Variants in DIO1 observed in about 807,000 individuals in gnomAD.
DIO1 encodes the protein iodothyronine deiodinase 1.
Under a neutral mutation model 25.9 loss-of-function variants are expected in DIO1, and 17 were observed. The ratio of observed to expected loss-of-function variants is 0.66; its 90% CI spans 0.45 to 0.98. The LOEUF (loss-of-function observed/expected upper bound fraction) is 0.98, where lower values mean the gene tolerates loss of function less well. Ranked by LOEUF, DIO1 falls within the 50% of genes least tolerant of loss-of-function variation. The probability of loss-of-function intolerance (pLI) is 0.00; values close to 1 mark genes in which losing one functional copy is unlikely to be tolerated. For missense variants in DIO1, 270 were observed against 310.4 expected (o/e 0.87, Z 0.98); for synonymous variants, 115 against 114.0 (o/e 1.01, Z -0.05).
intron 1 of DIO1, 24 bp from the exon 2 acceptor site, chr1:53,904,638 CAGTT>C (rs779517591): frequency 5.0e-6 from 8 of 1,607,050 alleles, no homozygotes; most frequent in African/African-American, 2.7e-5. Flanking sequence ...TGTAGGGTCT[CAGTT>C]TGTGATGGTT....
chr1:53,894,247 C>T lies in DIO1; in HGVS notation c.37C>T (p.Leu13Phe), dbSNP rs746424797. ...LPQPGLWLKR[L>F]WVLLEVAVHV... ...CCAGCCAGGGCTGTGGCTGAAGAGGCTCTGGGTGCTCTTGGAGGTGGCTGT... is the reference window on the plus strand; with the variant it reads ...CCAGCCAGGGCTGTGGCTGAAGAGGTTCTGGGTGCTCTTGGAGGTGGCTGT... Residue 13 changes from leucine to phenylalanine, a missense_variant, in exon 1 of 4, where the codon CTC (leucine) becomes TTC (phenylalanine). Leu to Phe is a conservative substitution (Grantham distance 22). Coordinates refer to ENST00000361921, the MANE Select transcript of DIO1 (RefSeq NM_000792.7). This position sits in a 1 kb window ranked among gnomAD's most constrained non-coding sequence, Gnocchi z 4.9. The T allele has an allele frequency of 1.9e-5, 31 of 1,614,164 alleles. No individual in the cohort carries two copies. In the Middle Eastern group the frequency reaches 4.9e-4, roughly 26 times the overall value.
intron 1 of DIO1, among the ~76,000 whole-genome samples, chr1:53,901,011 T>TTTTC: frequency 1.4e-5 from 2 of 139,022 alleles, no homozygotes; most frequent in African/African-American, 2.9e-5. Context: ...TTTTTTTTTT[T>TTTTC]CAGAGATAAG....
At chr1:53,905,249 A>C (rs376154722) in intron 2 of DIO1, among the ~76,000 whole-genome samples, 16 of 144,202 alleles carry the variant, frequency 1.1e-4, no homozygotes, top group East Asian at 1.0e-3. Flanking sequence ...CACATGGCTC[A>C]CTGCAGCCTC....
chr1:53,900,322 G>A (rs1280978782), intron 1 of DIO1, among the ~76,000 whole-genome samples: 1 of 152,176 alleles, frequency 6.6e-6, no homozygotes, highest in Non-Finnish European at 1.5e-5. Context: ...AAAAAATTCT[G>A]GCCAGGCGCA....
chr1:53,903,160 A>G (rs1031273164), intron 1 of DIO1: 4 of 151,920 alleles, frequency 2.6e-5, no homozygotes, highest in African/African-American at 9.7e-5. Flanking sequence ...CACGTCCCCC[A>G]GTGTTGCATG....
intron 3 of DIO1, among the ~76,000 whole-genome samples, chr1:53,909,049 G>A (rs1270654189): frequency 6.6e-6 from 1 of 151,046 alleles, no homozygotes; most frequent in Non-Finnish European, 1.5e-5. Context: ...AGCAAAGATT[G>A]TGCCAGTGCA....
chr1:53,910,139 C>G lies in DIO1; in HGVS notation c.*140C>G, dbSNP rs954065733. ...CTCAGATTTTTCTGATCTAAGCAAA[C>G]AACTCCCAGCTGAGGAATGCAGGCC... On this transcript the variant is annotated 3_prime_UTR_variant, in exon 4 of 4. Transcript: ENST00000361921. The G allele has an allele frequency of 8.6e-6, 6 of 701,548 alleles. No individual in the cohort carries two copies. Among genetic ancestry groups the G allele is most frequent in the Middle Eastern group, 3.7e-4 (1 of 2,722 alleles). The allele number at this position is 701,548 out of a possible 1,614,324, so 43.5% of individuals were successfully genotyped here. A position where few individuals can be genotyped will look rare whatever the true frequency, so the allele number is the denominator to read the frequency against.
chr1:53,908,126 G>T (rs1187418267), intron 3 of DIO1, among the ~76,000 whole-genome samples: 1 of 151,928 alleles, frequency 6.6e-6, no homozygotes, highest in African/African-American at 2.4e-5. Flanking sequence ...GGAGGCTGGG[G>T]CAGGAGAATT....
chr1:53,901,998 C>A (rs1045294887), intron 1 of DIO1, among the ~76,000 whole-genome samples: 8 of 152,018 alleles, frequency 5.3e-5, no homozygotes, highest in Non-Finnish European at 8.8e-5. Flanking sequence ...AATCCAGATT[C>A]TTTACAAAGG....
intron 1 of DIO1, among the ~76,000 whole-genome samples, chr1:53,898,237 G>A (rs572203024): frequency 1.3e-5 from 2 of 152,248 alleles, no homozygotes; most frequent in South Asian, 4.1e-4. Context: ...AGGAGGAGCA[G>A]CAGAGGTCTG....
At chr1:53,904,124 C>A (rs1162089924) in intron 1 of DIO1, among the ~76,000 whole-genome samples, 1 of 152,158 alleles carries the variant, frequency 6.6e-6, no homozygotes, top group Non-Finnish European at 1.5e-5. Context: ...TTTATTTAAT[C>A]CTCCTAACAG....
rs545149799 is a variant in DIO1, at chr1:53,894,429, C to T, written c.219C>T (p.Phe73=). 53 of 1,614,218 alleles carry T rather than the reference C, an allele frequency of 3.3e-5. No individual in the cohort carries two copies. Among genetic ancestry groups the T allele is most frequent in the African/African-American group, 4.0e-5 (3 of 75,056 alleles). ...TTTTCAGCACCCAGTATTTCTGGTT[C>T]GTCTTGAAGGTCCGTTGGCAGCGAC... ...PTFFSTQYFW[F]VLKVRWQRLE... The change falls in exon 1 of 4, where the codon TTC becomes TTT. Residue 73 remains phenylalanine, a synonymous_variant. Transcript: ENST00000361921. This position sits in a 1 kb window ranked among gnomAD's most constrained non-coding sequence, Gnocchi z 4.9.
intron 1 of DIO1, 48 bp from the exon 2 acceptor site, chr1:53,904,618 G>T (rs1472174106): frequency 1.3e-6 from 2 of 1,590,356 alleles, no homozygotes; most frequent in Non-Finnish European, 1.7e-6. Flanking sequence ...GCTTGTAAAA[G>T]AAAGCTGTGT....
chr1:53,907,842 C>A (rs1415674041), intron 3 of DIO1, among the ~76,000 whole-genome samples: 3 of 142,292 alleles, frequency 2.1e-5, no homozygotes, highest in Non-Finnish European at 3.0e-5. Context: ...ACCCGGGAGG[C>A]AGAGGTTGTG....
intron 1 of DIO1, among the ~76,000 whole-genome samples, chr1:53,895,807 T>C (rs1360397253): frequency 6.6e-6 from 1 of 152,218 alleles, no homozygotes; most frequent in Non-Finnish European, 1.5e-5. Flanking sequence ...GTACATCTCT[T>C]GTACTTTCCC....
chr1:53,898,470 C>A (rs1424225305), intron 1 of DIO1, among the ~76,000 whole-genome samples: 1 of 152,116 alleles, frequency 6.6e-6, no homozygotes, highest in East Asian at 1.9e-4. Context: ...ATTGGCCGAG[C>A]ATGGTGGCTC....
intron 2 of DIO1, among the ~76,000 whole-genome samples, chr1:53,905,482 G>C (rs1651609288): frequency 6.6e-6 from 1 of 152,152 alleles, no homozygotes; most frequent in East Asian, 1.9e-4. Context: ...GCCTATATTT[G>C]TATTTTTGAA....
intron 1 of DIO1, among the ~76,000 whole-genome samples, chr1:53,898,591 A>T (rs147150795): frequency 1.3e-5 from 2 of 152,164 alleles, no homozygotes; most frequent in East Asian, 3.9e-4. Flanking sequence ...CTAAAAATAC[A>T]AAAATTAGCC....
rs369029478 is a variant in DIO1 at position 53,894,384 on chromosome 1, C to T, written c.174C>T (p.His58=). The change falls in exon 1 of 4, where the codon CAC becomes CAT. Residue 58 remains histidine, a synonymous_variant. Coordinates refer to ENST00000361921, the MANE Select transcript of DIO1 (RefSeq NM_000792.7). The surrounding 1 kb of genome is among the most constrained non-coding windows in gnomAD (Gnocchi z 4.9). ...TGACCAGGAACCCCCATTTCAGCCA[C>T]GACAACTGGATACCAACCTTTTTCA... ...TGMTRNPHFS[H]DNWIPTFFST... The T allele has an allele frequency of 5.1e-5, 83 of 1,614,090 alleles. 1 individual carries two copies. Among genetic ancestry groups the T allele is most frequent in the East Asian group, 1.3e-4 (6 of 44,902 alleles).
Sources: gnomAD v4.1 joint callset for allele counts (sites outside exome capture counted in the v4.1 genomes callset) on GRCh38, gnomAD v4.1.1 for gene constraint, Gnocchi (gnomAD v3.1) non-coding constraint, MANE v1.5 for transcripts, NCBI Gene and HGNC (gene_info 2026-07-23, HGNC 2026-07-21) for gene names.